MGAT4C: variants seen among roughly 807,000 people sequenced by gnomAD.
MGAT4C encodes MGAT4 family member C.
Under a neutral mutation model 40.1 loss-of-function variants are expected in MGAT4C, and 19 were observed. The observed-to-expected ratio is 0.47, with a 90% CI of 0.33 to 0.70. The LOEUF is 0.70. MGAT4C is among the 30% of genes least tolerant of loss of function. MGAT4C has a pLI of 0.02. For synonymous variants in MGAT4C, 181 were observed against 187.1 expected (o/e 0.97, Z 0.27); for missense variants, 491 against 563.2 (o/e 0.87, Z 1.30).
intron 1 of MGAT4C, among the ~76,000 whole-genome samples, chr12:86,751,607 A>T (rs1404621855): frequency 6.6e-6 from 1 of 151,938 alleles, no homozygotes; most frequent in Non-Finnish European, 1.5e-5. Flanking sequence ...TATTTCTACC[A>T]CTCTAATTAA....
At chr12:86,266,832 C>T (rs1952799312) in intron 4 of MGAT4C, among the ~76,000 whole-genome samples, 1 of 151,752 alleles carries the variant, frequency 6.6e-6, no homozygotes, top group African/African-American at 2.4e-5. Context: ...TATTGGCCTG[C>T]TCAGGTTTTT....
intron 2 of MGAT4C, among the ~76,000 whole-genome samples, chr12:86,686,827 CA>C (rs1386513054): frequency 1.3e-5 from 2 of 152,148 alleles, no homozygotes; most frequent in African/African-American, 4.8e-5. Context: ...CAGGTTTTGG[CA>C]TCATGATGAT....
At chr12:86,793,555 C>G (rs1952063111) in intron 1 of MGAT4C, among the ~76,000 whole-genome samples, 1 of 151,896 alleles carries the variant, frequency 6.6e-6, no homozygotes. Context: ...GATTTTAAAA[C>G]TATGAATAAA....
At chr12:86,458,858 C>T (rs1183991890) in intron 2 of MGAT4C, among the ~76,000 whole-genome samples, 4 of 152,096 alleles carry the variant, frequency 2.6e-5, no homozygotes, top group African/African-American at 9.7e-5. Flanking sequence ...AGGTTAATCA[C>T]ATTTGACTCC....
chr12:86,073,167 A>T (rs2137042686), intron 1 of MGAT4C, among the ~76,000 whole-genome samples: 1 of 152,242 alleles, frequency 6.6e-6, no homozygotes, highest in East Asian at 1.9e-4. Context: ...TGATGGTTTT[A>T]ATAGGGGAAA....
intron 3 of MGAT4C, among the ~76,000 whole-genome samples, chr12:86,401,620 T>G (rs1037314686): frequency 2.0e-5 from 3 of 152,200 alleles, no homozygotes; most frequent in Admixed American, 2.0e-4. Flanking sequence ...AGAGAAGTTT[T>G]CAGTTTTTGG....
intron 2 of MGAT4C, among the ~76,000 whole-genome samples, chr12:86,013,319 T>A (rs922214302): frequency 3.3e-5 from 5 of 152,142 alleles, no homozygotes; most frequent in Admixed American, 3.3e-4. Context: ...AGTGGCGCGA[T>A]CTCGGTTCAC....
intron 1 of MGAT4C, among the ~76,000 whole-genome samples, chr12:86,134,494 C>A (rs1034333421): frequency 6.6e-6 from 1 of 152,102 alleles, no homozygotes; most frequent in African/African-American, 2.4e-5. Flanking sequence ...GACCACCCTT[C>A]ATCCACCAGT....
intron 1 of MGAT4C, among the ~76,000 whole-genome samples, chr12:86,745,785 A>G (rs1330574809): frequency 2.0e-5 from 3 of 151,650 alleles, no homozygotes; most frequent in African/African-American, 7.3e-5. Flanking sequence ...CTGGTAATGA[A>G]TTTGTGTCAG....
intron 2 of MGAT4C, among the ~76,000 whole-genome samples, chr12:86,030,031 AT>A (rs1007003573): frequency 8.6e-5 from 13 of 151,656 alleles, no homozygotes; most frequent in East Asian, 5.8e-4. Flanking sequence ...CATCAAACAC[AT>A]TTTTTTTCCT....
At chr12:86,548,905 G>A (rs1013205882) in intron 2 of MGAT4C, among the ~76,000 whole-genome samples, 1 of 152,124 alleles carries the variant, frequency 6.6e-6, no homozygotes, top group Non-Finnish European at 1.5e-5. Context: ...TCTCGAAAAG[G>A]ATGGAAGAAG....
intron 4 of MGAT4C, among the ~76,000 whole-genome samples, chr12:86,326,585 T>C (rs972093115): frequency 6.6e-6 from 1 of 152,110 alleles, no homozygotes; most frequent in African/African-American, 2.4e-5. Flanking sequence ...GATGAAATTG[T>C]TGAAGAGTAA....
intron 4 of MGAT4C, among the ~76,000 whole-genome samples, chr12:86,275,548 A>G (rs1953056302): frequency 6.6e-6 from 1 of 152,210 alleles, no homozygotes; most frequent in African/African-American, 2.4e-5. Flanking sequence ...AAATATGATT[A>G]AGTCAAAGCT....
intron 3 of MGAT4C, among the ~76,000 whole-genome samples, chr12:86,373,164 T>C (rs564848070): frequency 6.6e-6 from 1 of 152,046 alleles, no homozygotes; most frequent in South Asian, 2.1e-4. Flanking sequence ...CTAAGAGATA[T>C]TAACTGCGTT....
At chr12:86,328,427 C>G (rs61627678) in intron 4 of MGAT4C, among the ~76,000 whole-genome samples, 2,847 of 151,830 alleles carry the variant, frequency 0.019, 81 homozygotes, top group African/African-American at 0.054. Flanking sequence ...TCTATGGAAT[C>G]GACAATAACA....
At chr12:86,651,865 A>C (rs1163000350) in intron 2 of MGAT4C, among the ~76,000 whole-genome samples, 2 of 151,990 alleles carry the variant, frequency 1.3e-5, no homozygotes, top group East Asian at 3.9e-4. Flanking sequence ...TGAGAATTAC[A>C]GAAAATATGT....
At chr12:86,016,422 T>C (rs1889093237) in intron 2 of MGAT4C, 1 of 151,870 alleles carries the variant, frequency 6.6e-6, no homozygotes, top group Non-Finnish European at 1.5e-5. Flanking sequence ...GAAACTAATA[T>C]TTTGTGCAGA....
At chr12:86,192,275 G>A (rs1238591016) in intron 1 of MGAT4C, among the ~76,000 whole-genome samples, 1 of 152,060 alleles carries the variant, frequency 6.6e-6, no homozygotes, top group Non-Finnish European at 1.5e-5. Context: ...AAATCAAAGA[G>A]TGTCTGCTTT....
chr12:86,568,348 A>G (rs1268660850), intron 2 of MGAT4C, among the ~76,000 whole-genome samples: 2 of 151,988 alleles, frequency 1.3e-5, no homozygotes, highest in Non-Finnish European at 2.9e-5. Context: ...ATCAGACTCC[A>G]AGTTATTCCC....
Sources: allele counts gnomAD v4.1 joint callset (sites outside exome capture counted in the v4.1 genomes callset), GRCh38; gene constraint gnomAD v4.1.1; transcripts MANE v1.5; gene names NCBI Gene and HGNC (gene_info 2026-07-23, HGNC 2026-07-21).